The following RNF185 variants were observed in gnomAD, a reference collection of about 807,000 sequenced individuals.
The protein encoded by RNF185 is ring finger protein 185.
RNF185 carries 13 observed loss-of-function variants against 24.9 expected under a neutral mutation model. The observed-to-expected ratio is 0.52, with a 90% CI of 0.34 to 0.83. The LOEUF is 0.83. Among genes scored for constraint, RNF185 ranks in the 40% least tolerant of loss-of-function variants. The pLI is 0.01. For synonymous variants in RNF185, 79 were observed against 90.3 expected (o/e 0.88, Z 0.71); for missense variants, 184 against 244.7 (o/e 0.75, Z 1.65).
intron 1 of RNF185, among the ~76,000 whole-genome samples, chr22:31,163,123 A>C (rs184961618): frequency 6.6e-6 from 1 of 152,264 alleles, no homozygotes; most frequent in East Asian, 1.9e-4. Flanking sequence ...ATAGGTGACA[A>C]TTACAGGAAG....
intron 1 of RNF185, among the ~76,000 whole-genome samples, chr22:31,166,708 G>C (rs998424655): frequency 3.3e-5 from 5 of 151,480 alleles, no homozygotes; most frequent in African/African-American, 1.2e-4. Context: ...GGAGTGCAAT[G>C]GTGCGATCTT....
chr22:31,160,958 G>C (rs1281878534), intron 1 of RNF185, among the ~76,000 whole-genome samples: 1 of 152,198 alleles, frequency 6.6e-6, no homozygotes, highest in Non-Finnish European at 1.5e-5. Flanking sequence ...CTTTCCTGCT[G>C]TGAGCACTAG....
intron 1 of RNF185, among the ~76,000 whole-genome samples, chr22:31,179,063 G>C (rs1006424539): frequency 6.6e-6 from 1 of 152,164 alleles, no homozygotes; most frequent in African/African-American, 2.4e-5. Flanking sequence ...GAAATGCTTT[G>C]AAAACTAGAG....
intron 1 of RNF185, among the ~76,000 whole-genome samples, chr22:31,186,660 A>G (rs914376571): frequency 6.6e-6 from 1 of 152,186 alleles, no homozygotes; most frequent in African/African-American, 2.4e-5. Flanking sequence ...GCCTCAGCAG[A>G]TTCACCCATC....
At position 31,205,363 on chromosome 22, in the gene RNF185, CCT is replaced by C. The variant is rs1393032660; in HGVS notation, c.*784_*785del. On this transcript the variant is annotated 3_prime_UTR_variant, in exon 7 of 7. Transcript: ENST00000326132. Reference sequence around the variant, plus strand: ...TTCTCCCTAAAACTATGTTCATCTGCCTCTCTCTGCCAGAGAACATACAGCCG... The same window carrying C: ...TTCTCCCTAAAACTATGTTCATCTGCCTCTCTGCCAGAGAACATACAGCCG... 1 of 167,842 alleles carries C rather than the reference CCT, an allele frequency of 6.0e-6. No homozygotes were observed. The highest frequency in any genetic ancestry group is 2.4e-5 in the African/African-American group (1 of 41,452). The allele number at this position is 167,842 out of a possible 1,614,324, so 10.4% of individuals were successfully genotyped here. A position where few individuals can be genotyped will look rare whatever the true frequency, so the allele number is the denominator to read the frequency against.
chr22:31,179,215 G>A (rs2048011585), intron 1 of RNF185, among the ~76,000 whole-genome samples: 1 of 152,144 alleles, frequency 6.6e-6, no homozygotes, highest in African/African-American at 2.4e-5. Flanking sequence ...TGGCCATATA[G>A]GTATGCTCAG....
intron 2 of RNF185, among the ~76,000 whole-genome samples, chr22:31,191,676 C>CA (rs1300302266): frequency 1.3e-5 from 2 of 151,866 alleles, no homozygotes; most frequent in Admixed American, 1.3e-4. Flanking sequence ...GCTAAAAATA[C>CA]AAAAAATTAG....
intron 1 of RNF185, among the ~76,000 whole-genome samples, chr22:31,186,140 G>C (rs893214268): frequency 3.3e-5 from 5 of 152,138 alleles, no homozygotes; most frequent in African/African-American, 1.2e-4. Context: ...TTCTTTAAAT[G>C]TACTGAGGCT....
At chr22:31,175,841 C>T (rs2147931912) in intron 1 of RNF185, among the ~76,000 whole-genome samples, 1 of 152,184 alleles carries the variant, frequency 6.6e-6, no homozygotes, top group Middle Eastern at 3.4e-3. Context: ...TTCTAAGGAC[C>T]ATTCACACCT....
At chr22:31,177,403 T>C (rs2047993724) in intron 1 of RNF185, among the ~76,000 whole-genome samples, 1 of 152,110 alleles carries the variant, frequency 6.6e-6, no homozygotes, top group South Asian at 2.1e-4. Flanking sequence ...TTCAGCCTTC[T>C]CTGTTCTTCT....
intron 6 of RNF185, among the ~76,000 whole-genome samples, chr22:31,204,001 A>G (rs1340672835): frequency 6.8e-6 from 1 of 146,924 alleles, no homozygotes; most frequent in Non-Finnish European, 1.5e-5. Flanking sequence ...AGATCGTGCC[A>G]TTGCACTCCA....
At chr22:31,202,520 A>ACTGCCTGC (rs971617471) in intron 6 of RNF185, among the ~76,000 whole-genome samples, 25 of 150,444 alleles carry the variant, frequency 1.7e-4, no homozygotes, top group Non-Finnish European at 3.5e-4. Flanking sequence ...GTCTTTCTTG[A>ACTGCCTGC]CTGCCTGCCT....
chr22:31,196,402 T>C (rs2048206482), intron 4 of RNF185, among the ~76,000 whole-genome samples: 2 of 152,248 alleles, frequency 1.3e-5, no homozygotes, highest in Admixed American at 6.5e-5. Context: ...TCCTGCATAA[T>C]GCTTATTGTA....
At chr22:31,182,279 T>G (rs2048046241) in intron 1 of RNF185, among the ~76,000 whole-genome samples, 1 of 151,798 alleles carries the variant, frequency 6.6e-6, no homozygotes, top group African/African-American at 2.4e-5. Context: ...ACCCAGCTAA[T>G]TTTTTATTTT....
intron 1 of RNF185, among the ~76,000 whole-genome samples, chr22:31,185,014 G>T (rs2048085156): frequency 6.6e-6 from 1 of 151,586 alleles, no homozygotes; most frequent in Non-Finnish European, 1.5e-5. Flanking sequence ...ACACACATAG[G>T]TTGGGTACTT....
chr22:31,198,945 T>G (rs1212159207), intron 5 of RNF185, among the ~76,000 whole-genome samples: 5 of 149,992 alleles, frequency 3.3e-5, no homozygotes, highest in African/African-American at 1.2e-4. Context: ...CTTAAAAACA[T>G]AAAAATTAGC....
At position 31,196,980 on chromosome 22, in the gene RNF185, A is replaced by C. The variant is rs778857932; in HGVS notation, c.353A>C (p.Glu118Ala). ...CCTCAAGGACAGAGGCCAGAGCCGG[A>C]GAATAGAGGGGTGAGGAACATTCTA... ...PRPQGQRPEP[E>A]NRGGFQGFGF... The change falls in exon 5 of 7, where the codon GAG becomes GCG. Residue 118 changes from glutamate (E) to alanine (A), a missense_variant. Glu to Ala is a moderately radical substitution (Grantham distance 107). Coordinates refer to ENST00000326132, the MANE Select transcript of RNF185 (RefSeq NM_152267.4). 6.2e-7 allele frequency: 1 copy of C among 1,613,654 alleles called. No individual in the cohort carries two copies. The highest frequency in any genetic ancestry group is 8.5e-7 in the Non-Finnish European group (1 of 1,179,698).
chr22:31,181,897 T>C (rs1217583086), intron 1 of RNF185, among the ~76,000 whole-genome samples: 1 of 151,850 alleles, frequency 6.6e-6, no homozygotes, highest in Admixed American at 6.6e-5. Context: ...GAGGTATACC[T>C]AATGTAAATG....
intron 1 of RNF185, among the ~76,000 whole-genome samples, chr22:31,180,130 A>AT (rs879285377): frequency 2.0e-5 from 3 of 151,972 alleles, no homozygotes; most frequent in Non-Finnish European, 2.9e-5. Context: ...GGGGTAGGAA[A>AT]TTTTATGTAT....
Sources: gnomAD v4.1 joint callset for allele counts (sites outside exome capture counted in the v4.1 genomes callset) on GRCh38, gnomAD v4.1.1 for gene constraint, MANE v1.5 for transcripts, NCBI Gene and HGNC (gene_info 2026-07-23, HGNC 2026-07-21) for gene names.